Variants in CLIP2 observed in about 807,000 individuals in gnomAD.
CLIP2 encodes the protein CAP-Gly domain-containing linker protein 2.
In CLIP2, 41 loss-of-function variants were observed where a neutral mutation model predicts 111.7. The observed-to-expected ratio is 0.37, with a 90% CI of 0.29 to 0.48. The LOEUF is 0.48. CLIP2 is among the 20% of genes least tolerant of loss of function. The pLI is 0.99. For missense variants in CLIP2, 1,160 were observed against 1,422.1 expected (o/e 0.82, Z 2.96); for synonymous variants, 660 against 644.2 (o/e 1.02, Z -0.37).
intron 1 of CLIP2, among the ~76,000 whole-genome samples, chr7:74,298,435 C>G (rs929180795): frequency 4.1e-5 from 6 of 145,252 alleles, no homozygotes; most frequent in Non-Finnish European, 1.5e-5. Flanking sequence ...AACTCCTGAT[C>G]TCAGCTGATC....
intron 3 of CLIP2, 41 bp downstream of exon 3, chr7:74,339,045 TCCCTCCCCTGCTCCG>T: frequency 6.5e-7 from 1 of 1,549,532 alleles, no homozygotes; most frequent in Non-Finnish European, 8.7e-7. Context: ...CAGCTTCCCT[TCCCTCCCCTGCTCCG>T]CCCCACTTGG....
In CLIP2 at chr7:74,295,628, G is replaced by A. The variant is rs374327759; in HGVS notation, c.-68+5894G>A. 1.7e-3 allele frequency among the ~76,000 whole-genome samples: 264 copies of A among 152,274 alleles called. 1 individual carries two copies. The highest frequency in any genetic ancestry group is 6.0e-3 in the African/African-American group (250 of 41,570). The stretch of plus-strand genomic sequence containing the variant: ...GAGGAGAGGGAAGACATCTGAAAGG[G>A]GCTTGTGTGTTCTTCATCTGATTCC... On this transcript the variant is annotated intron_variant, in intron 1 of 16. Transcript: ENST00000223398.
intron 1 of CLIP2, among the ~76,000 whole-genome samples, chr7:74,291,332 A>C (rs527933185): frequency 6.6e-6 from 1 of 152,262 alleles, no homozygotes; most frequent in South Asian, 2.1e-4. Flanking sequence ...GGAATTCTGC[A>C]CTCAGAGCCC....
chr7:74,333,043 C>T (rs905734925), intron 2 of CLIP2, among the ~76,000 whole-genome samples: 16 of 152,168 alleles, frequency 1.1e-4, no homozygotes, highest in African/African-American at 2.7e-4. Flanking sequence ...TGCAGGACCA[C>T]GCCACCAGCT....
chr7:74,401,247 C>T (rs1198444851), intron 15 of CLIP2, among the ~76,000 whole-genome samples: 1 of 151,306 alleles, frequency 6.6e-6, no homozygotes, highest in Non-Finnish European at 1.5e-5. Flanking sequence ...GGGAACCCAG[C>T]TGAAAGGGGA....
At chr7:74,321,986 C>CTTTT (rs34549907) in intron 2 of CLIP2, among the ~76,000 whole-genome samples, 1 of 125,426 alleles carries the variant, frequency 8.0e-6, no homozygotes, top group Non-Finnish European at 1.6e-5. Context: ...TTTATTTTTC[C>CTTTT]TTTTTTTTTT....
intron 1 of CLIP2, among the ~76,000 whole-genome samples, chr7:74,292,348 G>GA (rs1788047926): frequency 3.3e-5 from 5 of 151,126 alleles, no homozygotes; most frequent in South Asian, 4.2e-4. Flanking sequence ...TGTGCAGGTT[G>GA]AAAAAAAAAG....
intron 1 of CLIP2, among the ~76,000 whole-genome samples, chr7:74,298,004 C>G (rs569771148): frequency 6.6e-6 from 1 of 151,990 alleles, no homozygotes; most frequent in Admixed American, 6.6e-5. Context: ...GTCCTAGGTA[C>G]CGAGAACCCA....
intron 2 of CLIP2, among the ~76,000 whole-genome samples, chr7:74,336,469 T>TA (rs1338065797): frequency 2.0e-5 from 3 of 152,000 alleles, no homozygotes; most frequent in East Asian, 3.9e-4. Flanking sequence ...AGGCACGTCT[T>TA]ACATGGCGGC....
intron 3 of CLIP2, 67 bp downstream of exon 3, chr7:74,339,071 C>CCCCCCTGGGCT: frequency 6.8e-7 from 1 of 1,476,314 alleles, no homozygotes; most frequent in Non-Finnish European, 9.1e-7. Context: ...CCCCACTTGG[C>CCCCCCTGGGCT]GAAGCTGGAC....
chr7:74,352,463 A>T (rs1239822199), intron 3 of CLIP2, among the ~76,000 whole-genome samples: 1 of 151,804 alleles, frequency 6.6e-6, no homozygotes, highest in African/African-American at 2.4e-5. Flanking sequence ...CAAAAAAAAC[A>T]CTAGGCAGAC....
chr7:74,309,622 CTG>C, intron 1 of CLIP2, among the ~76,000 whole-genome samples: 1 of 151,418 alleles, frequency 6.6e-6, no homozygotes, highest in East Asian at 2.0e-4. Context: ...CTTTGGGAGG[CTG>C]AGGCGGGTGG....
intron 10 of CLIP2, among the ~76,000 whole-genome samples, chr7:74,377,670 T>C (rs782309867): frequency 9.9e-5 from 15 of 152,144 alleles, no homozygotes; most frequent in Non-Finnish European, 1.2e-4. Context: ...GTCCACAGCC[T>C]CTCAGTGGCA....
rs782817314 is a variant in CLIP2, at chr7:74,401,557, A to G, written c.3119A>G (p.Gln1040Arg). The change falls in exon 16 of 17, where the codon CAG (glutamine) becomes CGG (arginine). Residue 1040 changes from glutamine to arginine, a missense_variant. Physicochemically the swap from Gln to Arg is conservative, Grantham distance 43 (BLOSUM62 1). Around this residue, in one of 5 missense-constraint regions of CLIP2, gnomAD observed 676 missense variants for 777.8 expected, o/e 0.87. Coordinates refer to ENST00000223398, the MANE Select transcript of CLIP2 (RefSeq NM_003388.5). ...GGCATCCACCAGCAGGACAAAGCTC[A>G]GAAACAAGAGGTGAGGGGCGCCTCG... Reference protein sequence around the residue: ...ANGIHQQDKAQKQEDKH With the variant: ...ANGIHQQDKARKQEDKH 2 of 1,613,924 alleles carry G rather than the reference A, an allele frequency of 1.2e-6. No homozygotes were observed. Among genetic ancestry groups the G allele is most frequent in the African/African-American group, 2.7e-5 (2 of 74,948 alleles).
At chr7:74,296,532 G>A (rs1396209298) in intron 1 of CLIP2, among the ~76,000 whole-genome samples, 2 of 151,918 alleles carry the variant, frequency 1.3e-5, no homozygotes, top group East Asian at 1.9e-4. Flanking sequence ...GCTCACGCCT[G>A]TAATCCCAGC....
At chr7:74,344,417 T>C (rs1245641946) in intron 3 of CLIP2, among the ~76,000 whole-genome samples, 3 of 152,128 alleles carry the variant, frequency 2.0e-5, no homozygotes, top group African/African-American at 4.8e-5. Context: ...GGTCTTGCTC[T>C]GTCACTCAGG....
At chr7:74,351,470 A>G (rs1457928661) in intron 3 of CLIP2, among the ~76,000 whole-genome samples, 7 of 151,632 alleles carry the variant, frequency 4.6e-5, no homozygotes, top group African/African-American at 1.5e-4. Flanking sequence ...TTTCAGATAT[A>G]GAAAGCTCGA....
Position 74,317,588 on chromosome 7 carries a change from GA to G in CLIP2, c.44del (p.Lys15SerfsTer73). The G allele has an allele frequency of 6.7e-7, 1 of 1,500,668 alleles. No individual in the cohort carries two copies. The allele number at this position is 1,500,668 out of a possible 1,614,324, so 93.0% of individuals were successfully genotyped here. A position where few individuals can be genotyped will look rare whatever the true frequency, so the allele number is the denominator to read the frequency against. On this transcript the variant is annotated frameshift_variant, in exon 2 of 17. Coordinates refer to ENST00000223398, the MANE Select transcript of CLIP2 (RefSeq NM_003388.5). LOFTEE classifies it high-confidence loss of function. ...SGLKPPGRGG[K>X]HSSPMGRTST... Reference sequence around the variant, plus strand: ...GCCTGAAGCCCCCCGGCCGTGGGGGGAAGCACTCCAGCCCCATGGGCCGGAC... The same window carrying G: ...GCCTGAAGCCCCCCGGCCGTGGGGGGAGCACTCCAGCCCCATGGGCCGGAC...
intron 6 of CLIP2, among the ~76,000 whole-genome samples, 177 bp from the exon 7 acceptor site, chr7:74,359,998 A>G (rs1214598926): frequency 6.6e-6 from 1 of 152,096 alleles, no homozygotes; most frequent in African/African-American, 2.4e-5. Flanking sequence ...TCTTGTTCCT[A>G]CTGGGTCCCC....
Sources: allele counts gnomAD v4.1 joint callset (sites outside exome capture counted in the v4.1 genomes callset), GRCh38; gene constraint gnomAD v4.1.1; regional missense constraint gnomAD v4.1.1; transcripts MANE v1.5; gene names NCBI Gene and HGNC (gene_info 2026-07-23, HGNC 2026-07-21).